Variants in ATP11B observed in about 807,000 individuals in gnomAD.
ATP11B encodes ATPase phospholipid transporting 11B (putative), also known as phospholipid-transporting ATPase IF.
ATP11B carries 81 observed loss-of-function variants against 157.8 expected under a neutral mutation model. That is an observed-to-expected ratio of 0.51 (90% confidence interval 0.43 to 0.62). ATP11B has a LOEUF of 0.62. ATP11B is among the 20% of genes least tolerant of loss of function. The pLI, the probability that ATP11B is intolerant of heterozygous loss-of-function variation, is 0.00. For missense variants in ATP11B, 1,165 were observed against 1,402.2 expected (o/e 0.83, Z 2.70); for synonymous variants, 451 against 469.4 (o/e 0.96, Z 0.51).
Position 182,898,762 on chromosome 3 carries a change from A to G in ATP11B, c.3308A>G (p.Glu1103Gly). 6.5e-7 allele frequency: 1 copy of G among 1,543,012 alleles called. No homozygotes were observed. The highest frequency in any genetic ancestry group is 8.7e-7 in the Non-Finnish European group (1 of 1,147,040). Residue 1103 changes from glutamate (E) to glycine (G), a missense_variant, in exon 28 of 30, where the codon GAA becomes GGA. Physicochemically the swap from Glu to Gly is moderately conservative, Grantham distance 98 (BLOSUM62 -2). Coordinates refer to ENST00000323116, the MANE Select transcript of ATP11B (RefSeq NM_014616.3). Reference sequence around the variant, plus strand: ...CGACACCTCCACCCTACAAGTACTGAAAAGGCACAGGTAACCACTTTTTAT... The same window carrying G: ...CGACACCTCCACCCTACAAGTACTGGAAAGGCACAGGTAACCACTTTTTAT... ...FDRHLHPTST[E>G]KAQLTETNAG...
chr3:182,865,076 C>T (rs1721127542), intron 12 of ATP11B, among the ~76,000 whole-genome samples: 1 of 152,070 alleles, frequency 6.6e-6, no homozygotes, highest in Non-Finnish European at 1.5e-5. Flanking sequence ...GATACCCTTT[C>T]CCATTCTACA....
At chr3:182,794,737 A>G (rs1715493445) in intron 1 of ATP11B, among the ~76,000 whole-genome samples, 1 of 152,206 alleles carries the variant, frequency 6.6e-6, no homozygotes, top group African/African-American at 2.4e-5. Flanking sequence ...CAGCTGTGAC[A>G]ATTAGGACAG....
intron 1 of ATP11B, among the ~76,000 whole-genome samples, chr3:182,818,882 T>C (rs1459258410): frequency 6.7e-6 from 1 of 148,194 alleles, no homozygotes; most frequent in Non-Finnish European, 1.5e-5. Context: ...AATAACTGCT[T>C]AGTAGTACTA....
chr3:182,862,635 A>G (rs1196263622), intron 12 of ATP11B, among the ~76,000 whole-genome samples: 1 of 152,136 alleles, frequency 6.6e-6, no homozygotes, highest in Admixed American at 6.5e-5. Context: ...TCCCACATTC[A>G]GGGGTAGCTG....
chr3:182,920,479 A>G lies in ATP11B; in HGVS notation c.*2375A>G, dbSNP rs574678694. 6.6e-6 allele frequency: 1 copy of G among 152,366 alleles called. No individual in the cohort carries two copies. Among genetic ancestry groups the G allele is most frequent in the African/African-American group, 2.4e-5 (1 of 41,596 alleles). 9.4% of individuals were successfully genotyped at this position (152,366 alleles called of 1,614,324 possible). On this transcript the variant is annotated 3_prime_UTR_variant, in exon 30 of 30. Transcript: ENST00000323116. ...CTACGTAACCAGTAATCACAAGGAA[A>G]GTGTCCCCTTTGCATATTTCTTTAA...
chr3:182,869,820 G>A (rs886471088), intron 17 of ATP11B, among the ~76,000 whole-genome samples: 11 of 152,218 alleles, frequency 7.2e-5, no homozygotes, highest in Admixed American at 7.2e-4. Context: ...TTCATAAGCA[G>A]CATTATTTCC....
intron 19 of ATP11B, among the ~76,000 whole-genome samples, chr3:182,875,564 C>T (rs1287344889): frequency 6.6e-6 from 1 of 152,194 alleles, no homozygotes; most frequent in Non-Finnish European, 1.5e-5. Flanking sequence ...GCCTCAGCCT[C>T]CTGCGTAGCT....
intron 28 of ATP11B, among the ~76,000 whole-genome samples, chr3:182,904,905 A>G (rs551803268): frequency 0.12 from 17,522 of 148,826 alleles, 1,161 homozygotes; most frequent in African/African-American, 0.18. Context: ...AAAAAAAAAA[A>G]AAAAAAAGGA....
chr3:182,885,963 A>G lies in ATP11B; in HGVS notation c.2668A>G (p.Ile890Val), dbSNP rs745544607. ...QYFFYKNVCF[I>V]TPQFLYQFYC... is the part of the protein sequence containing the mutation. Reference sequence around the variant, plus strand: ...TCTTGTTTTTCAGAATGTGTGCTTTATCACACCCCAGTTTTTATATCAGTT... The same window carrying G: ...TCTTGTTTTTCAGAATGTGTGCTTTGTCACACCCCAGTTTTTATATCAGTT... Residue 890 changes from isoleucine to valine, a missense_variant, in exon 23 of 30, where the codon ATC (isoleucine) becomes GTC (valine). Physicochemically the swap from Ile to Val is conservative, Grantham distance 29. Around this residue, in one of 4 missense-constraint regions of ATP11B, gnomAD observed 737 missense variants for 930.5 expected, o/e 0.79. Coordinates refer to ENST00000323116, the MANE Select transcript of ATP11B (RefSeq NM_014616.3). 4.7e-6 allele frequency: 7 copies of G among 1,503,484 alleles called. No individual in the cohort carries two copies. The highest frequency in any genetic ancestry group is 3.5e-4 in the Middle Eastern group (2 of 5,780). 93.1% of individuals were successfully genotyped at this position (1,503,484 alleles called of 1,614,324 possible).
rs560678034 is a variant in ATP11B at position 182,914,538 on chromosome 3, A to G, written c.3452+544A>G. The G allele has an allele frequency of 1.1e-4, 106 of 985,388 alleles. No individual in the cohort carries two copies. The Middle Eastern group carries it at 3.1e-3, about 29-fold the overall frequency. 61.0% of individuals were successfully genotyped at this position (985,388 alleles called of 1,614,324 possible). A position where few individuals can be genotyped will look rare whatever the true frequency, so the allele number is the denominator to read the frequency against. ...CTTATGTCTGTAATGAAGTTTTGAA[A>G]TGAGTCATGATTTTTAAGTTTCTTT... On this transcript the variant is annotated intron_variant, in intron 29 of 29. Transcript: ENST00000323116.
intron 7 of ATP11B, 71 bp downstream of exon 7, chr3:182,837,245 A>T: frequency 9.0e-7 from 1 of 1,116,042 alleles, no homozygotes; most frequent in Non-Finnish European, 1.3e-6. Context: ...AACCATAAAC[A>T]TAAAATGAAA....
rs142664104 is a variant in ATP11B, at chr3:182,807,295, G to A, written c.28-12965G>A. Reference sequence around the variant, plus strand: ...TACAGAATGCATTAGGGGAAGGAAAGTCTAGCAGTGGTATTCTGGAGATGG... The same window carrying A: ...TACAGAATGCATTAGGGGAAGGAAAATCTAGCAGTGGTATTCTGGAGATGG... On this transcript the variant is annotated intron_variant, in intron 1 of 29. Coordinates refer to ENST00000323116, the MANE Select transcript of ATP11B (RefSeq NM_014616.3). Among the ~76,000 whole-genome samples the A allele has an allele frequency of 3.2e-4, 49 of 152,170 alleles. 1 individual carries two copies. Among genetic ancestry groups the A allele is most frequent in the African/African-American group, 1.1e-3 (47 of 41,498 alleles).
In ATP11B at chr3:182,829,915, T is replaced by C. The variant is rs536780680; in HGVS notation, c.315+163T>C. 3.1e-4 allele frequency: 304 copies of C among 984,988 alleles called. 1 individual carries two copies. The African/African-American group carries it at 4.9e-3, about 16-fold the overall frequency. The allele number at this position is 984,988 out of a possible 1,614,324, so 61.0% of individuals were successfully genotyped here. A position where few individuals can be genotyped will look rare whatever the true frequency, so the allele number is the denominator to read the frequency against. ...TTAAACTGAATTAGCCACTCTGTTA[T>C]ATTTCAGGTACCTGGTGACTCATGG... On this transcript the variant is annotated intron_variant, in intron 4 of 29. Coordinates refer to ENST00000323116, the MANE Select transcript of ATP11B (RefSeq NM_014616.3).
chr3:182,880,238 A>G (rs939244287), intron 20 of ATP11B, among the ~76,000 whole-genome samples: 4 of 152,206 alleles, frequency 2.6e-5, no homozygotes, highest in Non-Finnish European at 4.4e-5. Flanking sequence ...TTTGCAGTGC[A>G]CATCTAAATA....
At chr3:182,840,276 CT>C (rs1394460402) in intron 7 of ATP11B, among the ~76,000 whole-genome samples, 1 of 152,168 alleles carries the variant, frequency 6.6e-6, no homozygotes, top group Non-Finnish European at 1.5e-5. Context: ...ACTATTCCCT[CT>C]GTCTCAGTCC....
In ATP11B at chr3:182,873,021, CA is replaced by C. The variant is rs1456076798; in HGVS notation, c.2048+485del. On this transcript the variant is annotated intron_variant, in intron 18 of 29. Coordinates refer to ENST00000323116, the MANE Select transcript of ATP11B (RefSeq NM_014616.3). ...TATAGCTTAGATATTAGCTCCAGTC[CA>C]GTAAGACCTTTCCTGACACCTAAGA... Among the ~76,000 whole-genome samples, 3 of 152,288 alleles carry C rather than the reference CA, an allele frequency of 2.0e-5. No individual in the cohort carries two copies. The South Asian group carries it at 6.2e-4, about 32-fold the overall frequency.
chr3:182,865,617 T>C lies in ATP11B; in HGVS notation c.1362T>C (p.Ser454=). ...CAGAAGGAAACTTATCTTATCTTAG[T>C]AGTTTATCCCATCTTAACAACTTAT... ...DSSEGNLSYL[S]SLSHLNNLSH... Residue 454 remains serine, a synonymous_variant, in exon 13 of 30, where the codon AGT becomes AGC. Transcript: ENST00000323116. 6.2e-7 allele frequency: 1 copy of C among 1,613,636 alleles called. No individual in the cohort carries two copies. The highest frequency in any genetic ancestry group is 8.5e-7 in the Non-Finnish European group (1 of 1,179,628).
intron 27 of ATP11B, among the ~76,000 whole-genome samples, chr3:182,897,710 C>G (rs1293357317): frequency 6.6e-6 from 1 of 151,704 alleles, no homozygotes; most frequent in Non-Finnish European, 1.5e-5. Flanking sequence ...AGATTTAAAC[C>G]CCAATTGTCT....
chr3:182,857,849 T>C, intron 10 of ATP11B, 29 bp from the exon 11 acceptor site: 1 of 1,358,768 alleles, frequency 7.4e-7, no homozygotes, highest in South Asian at 1.3e-5. Context: ...ATGAGTTGTA[T>C]GTTTTATATT....
Sources: gnomAD v4.1 joint callset for allele counts (sites outside exome capture counted in the v4.1 genomes callset) on GRCh38, gnomAD v4.1.1 for gene constraint, gnomAD v4.1.1 regional missense constraint, MANE v1.5 for transcripts, NCBI Gene and HGNC (gene_info 2026-07-23, HGNC 2026-07-21) for gene names.